Variants in DACH2 observed in about 807,000 individuals in gnomAD.
DACH2 encodes dachshund homolog 2.
A neutral mutation model predicts 35.8 loss-of-function variants in DACH2; 17 were observed. The ratio of observed to expected loss-of-function variants is 0.48; its 90% CI spans 0.33 to 0.71. DACH2 has a LOEUF of 0.71. Ranked by LOEUF, DACH2 falls within the 30% of genes least tolerant of loss-of-function variation. The probability of loss-of-function intolerance (pLI) is 0.02; values close to 1 mark genes in which losing one functional copy is unlikely to be tolerated. For synonymous variants in DACH2, 195 were observed against 177.3 expected, an observed-to-expected ratio of 1.10 and a Z score of -0.79; for missense variants, 469 against 472.7, an observed-to-expected ratio of 0.99 and a Z score of 0.07.
At chrX:86,435,359 A>G (rs2037051220) in intron 2 of DACH2, among the ~76,000 whole-genome samples, 1 of 112,095 alleles carries the variant, frequency 8.9e-6, no homozygotes, top group Admixed American at 9.5e-5. Flanking sequence ...AAATTCTTTC[A>G]GTAATGATCA....
At chrX:86,195,766 A>G (rs944750284) in intron 1 of DACH2, among the ~76,000 whole-genome samples, 3 of 111,318 alleles carry the variant, frequency 2.7e-5, no homozygotes, top group African/African-American at 9.8e-5. Context: ...CAAGGAGCCA[A>G]AGTCAGGGCC....
rs189789475 is a variant in DACH2 at position 86,569,287 on chromosome X, C to T, written c.640+54896C>T. ...TTGCCCTAGGGAACTTCTTAGCAGC[C>T]CACTTTAATGCTGTACGGATCTAAT... On this transcript the variant is annotated intron_variant, in intron 3 of 11. Transcript: ENST00000373125. 4.9e-4 allele frequency among the ~76,000 whole-genome samples: 54 copies of T among 110,998 alleles called. 1 individual carries two copies. Among genetic ancestry groups the T allele is most frequent in the African/African-American group, 1.6e-3 (49 of 30,658 alleles).
chrX:86,152,582 T>G (rs1385603803), intron 1 of DACH2, among the ~76,000 whole-genome samples: 4 of 111,881 alleles, frequency 3.6e-5, no homozygotes, highest in Admixed American at 9.5e-5. Flanking sequence ...CTGCTTCAAC[T>G]GCTAGAGAGG....
intron 1 of DACH2, among the ~76,000 whole-genome samples, chrX:86,155,479 C>T (rs242841): frequency 0.066 from 7,339 of 110,594 alleles, 576 homozygotes; most frequent in African/African-American, 0.23. Flanking sequence ...TTTGATATAA[C>T]GCTAGTGAAA....
intron 1 of DACH2, among the ~76,000 whole-genome samples, chrX:86,277,554 G>C (rs1330050906): frequency 8.9e-6 from 1 of 112,266 alleles, no homozygotes; most frequent in African/African-American, 3.2e-5. Flanking sequence ...AAATTCAAGC[G>C]ATTTTCTTAT....
intron 3 of DACH2, among the ~76,000 whole-genome samples, chrX:86,630,225 G>T (rs2148386963): frequency 9.1e-6 from 1 of 109,971 alleles, no homozygotes; most frequent in South Asian, 3.9e-4. Flanking sequence ...AAAAAAACCT[G>T]GAGTACCTGG....
intron 1 of DACH2, among the ~76,000 whole-genome samples, chrX:86,373,235 T>G (rs374540605): frequency 9.0e-6 from 1 of 110,867 alleles, no homozygotes; most frequent in South Asian, 3.8e-4. Flanking sequence ...TTAAGTTCTT[T>G]GAGAAATCCC....
At chrX:86,447,107 C>A (rs1195948907) in intron 2 of DACH2, among the ~76,000 whole-genome samples, 1 of 96,150 alleles carries the variant, frequency 1.0e-5, no homozygotes, top group Non-Finnish European at 2.1e-5. Flanking sequence ...TGAGAAGTGT[C>A]TGTTCATGTC....
chrX:86,434,198 A>T (rs987307411), intron 2 of DACH2, among the ~76,000 whole-genome samples: 1 of 111,801 alleles, frequency 8.9e-6, no homozygotes, highest in Admixed American at 9.5e-5. Context: ...TTATTTTTTT[A>T]TTTTTATTTT....
rs138783035 is a variant in DACH2, at chrX:86,543,351, T to C, written c.640+28960T>C. 9.6e-3 allele frequency among the ~76,000 whole-genome samples: 1,069 copies of C among 111,711 alleles called. 19 individuals carry two copies. Among genetic ancestry groups the C allele is most frequent in the African/African-American group, 0.033 (1,022 of 30,748 alleles). ...ATCCAAAGGATAGCAACTTCAAAGA[T>C]TGGAGGATCATTACCCCTACAGATG... On this transcript the variant is annotated intron_variant, in intron 3 of 11. Transcript: ENST00000373125.
chrX:86,605,149 T>A (rs2039840696), intron 3 of DACH2, among the ~76,000 whole-genome samples: 1 of 112,146 alleles, frequency 8.9e-6, no homozygotes, highest in African/African-American at 3.2e-5. Context: ...AGCAGTTTAG[T>A]CTGTTCCAAT....
chrX:86,391,983 T>G (rs1206765775), intron 2 of DACH2, among the ~76,000 whole-genome samples: 1 of 111,641 alleles, frequency 9.0e-6, no homozygotes, highest in Non-Finnish European at 1.9e-5. Flanking sequence ...TGCAATTTTT[T>G]TTTATTATAC....
chrX:86,162,514 T>C (rs1443420672), intron 1 of DACH2, among the ~76,000 whole-genome samples: 2 of 111,263 alleles, frequency 1.8e-5, no homozygotes, highest in African/African-American at 6.5e-5. Context: ...TTATCCCTTT[T>C]AATTGTCTTC....
chrX:86,460,078 T>A (rs904535865), intron 2 of DACH2, among the ~76,000 whole-genome samples: 1 of 110,881 alleles, frequency 9.0e-6, no homozygotes, highest in Non-Finnish European at 1.9e-5. Flanking sequence ...TGAAAAAGGA[T>A]CAAAAGCTGA....
At chrX:86,704,467 A>T (rs1044173675) in intron 5 of DACH2, among the ~76,000 whole-genome samples, 7 of 111,642 alleles carry the variant, frequency 6.3e-5, no homozygotes, top group Non-Finnish European at 1.3e-4. Flanking sequence ...ACCAAAAAAA[A>T]CCTTCTGCAC....
chrX:86,461,615 A>G (rs1460631771), intron 2 of DACH2, among the ~76,000 whole-genome samples: 1 of 111,347 alleles, frequency 9.0e-6, no homozygotes, highest in Non-Finnish European at 1.9e-5. Context: ...TTCTCTATAA[A>G]TCTTTCAGAC....
At chrX:86,171,493 A>G (rs1415572084) in intron 1 of DACH2, among the ~76,000 whole-genome samples, 1 of 111,674 alleles carries the variant, frequency 9.0e-6, no homozygotes, top group Non-Finnish European at 1.9e-5. Context: ...TTTGGCCCTC[A>G]GTGGTGAGGT....
chrX:86,384,290 G>A (rs1038116167), intron 2 of DACH2, among the ~76,000 whole-genome samples: 4 of 111,209 alleles, frequency 3.6e-5, no homozygotes, highest in East Asian at 2.8e-4. Flanking sequence ...AAATTGTATA[G>A]CCCTATTCTT....
chrX:86,230,226 A>T (rs1412190059), intron 1 of DACH2, among the ~76,000 whole-genome samples: 7 of 109,469 alleles, frequency 6.4e-5, no homozygotes, highest in Non-Finnish European at 1.3e-4. Flanking sequence ...TGATCACGTG[A>T]TTTTTGTTTT....
Sources: allele counts gnomAD v4.1 joint callset (sites outside exome capture counted in the v4.1 genomes callset), GRCh38; gene constraint gnomAD v4.1.1; transcripts MANE v1.5; gene names NCBI Gene and HGNC (gene_info 2026-07-23, HGNC 2026-07-21).